Variants in CLVS1 observed in about 807,000 individuals in gnomAD.
The protein encoded by CLVS1 is clavesin-1.
CLVS1 carries 10 observed loss-of-function variants against 33.1 expected under a neutral mutation model. The observed-to-expected ratio is 0.30, with a 90% CI of 0.19 to 0.51. The LOEUF is 0.51. Among genes scored for constraint, CLVS1 ranks in the 20% least tolerant of loss-of-function variants. The pLI is 0.97. For missense variants in CLVS1, 343 were observed against 433.4 expected (o/e 0.79, Z 1.85); for synonymous variants, 163 against 166.1 (o/e 0.98, Z 0.14).
At chr8:61,193,312 T>TG (rs1267663730) in intron 2 of CLVS1, among the ~76,000 whole-genome samples, 1 of 151,878 alleles carries the variant, frequency 6.6e-6, no homozygotes, top group Non-Finnish European at 1.5e-5. Context: ...TAGGTGGGAA[T>TG]GGAACAATGA....
At chr8:61,165,371 G>C (rs1036662475) in intron 2 of CLVS1, among the ~76,000 whole-genome samples, 2 of 152,228 alleles carry the variant, frequency 1.3e-5, no homozygotes, top group African/African-American at 4.8e-5. Flanking sequence ...CCATACAAGG[G>C]GAGGGGACCC....
chr8:60,992,376 A>T, the CLVS1 span, among the ~76,000 whole-genome samples: 33 of 152,338 alleles, frequency 2.2e-4, no homozygotes, highest in African/African-American at 7.0e-4. Flanking sequence ...AATAAAGAGA[A>T]GATCATTTTG....
intron 1 of CLVS1, among the ~76,000 whole-genome samples, chr8:61,128,215 A>G (rs1429850415): frequency 6.6e-6 from 1 of 152,256 alleles, no homozygotes; most frequent in African/African-American, 2.4e-5. Flanking sequence ...CTTATGCATA[A>G]GTACATCCAA....
chr8:61,156,398 A>G (rs902551149), intron 2 of CLVS1, among the ~76,000 whole-genome samples: 1 of 151,644 alleles, frequency 6.6e-6, no homozygotes, highest in Non-Finnish European at 1.5e-5. Flanking sequence ...TCGTGTGTCC[A>G]TGTGCATGTT....
At chr8:61,056,491 G>A (rs973080572), upstream of CLVS1, among the ~76,000 whole-genome samples, 7 of 152,168 alleles carry the variant, frequency 4.6e-5, no homozygotes, top group African/African-American at 1.7e-4. Context: ...ACACCAAAAT[G>A]TTCTAGTGGT....
chr8:61,264,991 C>T (rs1029384487), intron 2 of CLVS1: 1 of 152,190 alleles, frequency 6.6e-6, no homozygotes, highest in Non-Finnish European at 1.5e-5. Flanking sequence ...CTTCTCAGAG[C>T]TAGCTAGGTG....
chr8:61,192,514 A>G (rs1807509214), intron 2 of CLVS1, among the ~76,000 whole-genome samples: 1 of 152,204 alleles, frequency 6.6e-6, no homozygotes, highest in Non-Finnish European at 1.5e-5. Context: ...AAAAGCTAAT[A>G]TTGTCAAATA....
intron 2 of CLVS1, among the ~76,000 whole-genome samples, chr8:61,334,270 C>G (rs1293132672): frequency 6.6e-6 from 1 of 152,202 alleles, no homozygotes; most frequent in Non-Finnish European, 1.5e-5. Context: ...GAAGGAGACA[C>G]TCTTAAACAA....
chr8:61,386,815 T>G (rs1043423099), intron 3 of CLVS1, among the ~76,000 whole-genome samples: 1 of 152,006 alleles, frequency 6.6e-6, no homozygotes, highest in African/African-American at 2.4e-5. Context: ...GTCTGGCACT[T>G]AAAATACTTT....
chr8:61,262,012 G>A (rs1228633566), intron 2 of CLVS1, among the ~76,000 whole-genome samples: 1 of 142,790 alleles, frequency 7.0e-6, no homozygotes, highest in Admixed American at 6.8e-5. Flanking sequence ...GTGTGTGTGT[G>A]TGTGTGTGTG....
rs947498045 is a variant in CLVS1 at position 61,219,005 on chromosome 8, A to G, written c.-151-80672A>G. 3.9e-5 allele frequency among the ~76,000 whole-genome samples: 6 copies of G among 152,114 alleles called. No individual in the cohort carries two copies. In the East Asian group the frequency reaches 1.2e-3, roughly 29 times the overall value. On this transcript the variant is annotated intron_variant, in intron 2 of 2. Transcript: ENST00000522621. Reference sequence around the variant, plus strand: ...AGGTACTCACAATTGTTGGGAGGAGATGAAGGTAGACAAAGAAGCTCACTA... The same window carrying G: ...AGGTACTCACAATTGTTGGGAGGAGGTGAAGGTAGACAAAGAAGCTCACTA...
chr8:61,376,788 A>G lies in CLVS1; in HGVS notation c.630+9A>G. On this transcript the variant is annotated intron_variant, in intron 3 of 5. Coordinates refer to ENST00000325897, the MANE Select transcript of CLVS1 (RefSeq NM_173519.3). ...CCATTGAAGGGTTGCAGGTATGTTC[A>G]ATGAATGCGCAATACAAGACCATGT... The G allele has an allele frequency of 6.2e-7, 1 of 1,611,686 alleles. No individual in the cohort carries two copies. Among genetic ancestry groups the G allele is most frequent in the African/African-American group, 1.3e-5 (1 of 74,976 alleles).
chr8:61,073,565 T>G (rs1804841310), intron 1 of CLVS1, among the ~76,000 whole-genome samples: 1 of 152,164 alleles, frequency 6.6e-6, no homozygotes, highest in South Asian at 2.1e-4. Context: ...ACCCACTTAC[T>G]GAGTGTTTAG....
intron 2 of CLVS1, among the ~76,000 whole-genome samples, chr8:61,343,878 A>C (rs1008550631): frequency 6.6e-6 from 1 of 152,206 alleles, no homozygotes; most frequent in African/African-American, 2.4e-5. Context: ...CATCATCCTT[A>C]ATCCACTTTA....
the CLVS1 span, among the ~76,000 whole-genome samples, chr8:61,030,976 T>C: frequency 6.6e-6 from 1 of 152,164 alleles, no homozygotes; most frequent in African/African-American, 2.4e-5. Context: ...AAATACCTAT[T>C]TCAGTGCAGT....
chr8:61,451,808 C>CAG (rs1394837715), intron 3 of CLVS1, among the ~76,000 whole-genome samples: 3 of 132,154 alleles, frequency 2.3e-5, no homozygotes, highest in African/African-American at 9.2e-5. Flanking sequence ...AACACACACA[C>CAG]ACACAGAGAG....
At chr8:61,100,952 A>G (rs553448955) in intron 1 of CLVS1, among the ~76,000 whole-genome samples, 20 of 152,336 alleles carry the variant, frequency 1.3e-4, no homozygotes, top group African/African-American at 4.8e-4. Context: ...TGGATATAAT[A>G]CATTCTATTT....
At chr8:61,494,890 C>A (rs891736446) in intron 5 of CLVS1, among the ~76,000 whole-genome samples, 2 of 152,112 alleles carry the variant, frequency 1.3e-5, no homozygotes, top group Non-Finnish European at 2.9e-5. Flanking sequence ...TTATGTCATG[C>A]TGAAAGTAAA....
chr8:61,264,376 A>G (rs1284778492), intron 2 of CLVS1, among the ~76,000 whole-genome samples: 6 of 152,152 alleles, frequency 3.9e-5, no homozygotes, highest in Non-Finnish European at 8.8e-5. Context: ...GGAAAAATGG[A>G]AGGCATTTAT....
Sources: gnomAD v4.1 joint callset for allele counts (sites outside exome capture counted in the v4.1 genomes callset) on GRCh38, gnomAD v4.1.1 for gene constraint, MANE v1.5 for transcripts, NCBI Gene and HGNC (gene_info 2026-07-23, HGNC 2026-07-21) for gene names.